CCDC192: variants seen among roughly 807,000 people sequenced by gnomAD.
CCDC192 encodes the protein coiled-coil domain containing 192.
At chr5:127,730,715 A>G (rs1204503303) in intron 2 of CCDC192, among the ~76,000 whole-genome samples, 4 of 152,204 alleles carry the variant, frequency 2.6e-5, no homozygotes. Context: ...GGTTCAACAT[A>G]TGCAAATCAA....
intron 6 of CCDC192, among the ~76,000 whole-genome samples, chr5:127,880,012 T>C (rs1036567245): frequency 1.2e-4 from 18 of 152,242 alleles, no homozygotes; most frequent in African/African-American, 4.1e-4. Context: ...AGTTCAACCA[T>C]TGTGGAAGTC....
At chr5:127,814,348 A>C (rs146992068) in intron 5 of CCDC192, among the ~76,000 whole-genome samples, 1 of 152,188 alleles carries the variant, frequency 6.6e-6, no homozygotes, top group African/African-American at 2.4e-5. Context: ...GTTTGAGCCC[A>C]TGGGCATGTT....
At chr5:127,731,910 GA>G (rs1247437466) in intron 2 of CCDC192, among the ~76,000 whole-genome samples, 2 of 152,216 alleles carry the variant, frequency 1.3e-5, no homozygotes, top group South Asian at 2.1e-4. Context: ...ATCCCAAACA[GA>G]AAATCTAGGC....
In CCDC192 at chr5:127,904,831, C is replaced by T. The variant is rs114289621; in HGVS notation, c.535+29170C>T. Among the ~76,000 whole-genome samples the T allele has an allele frequency of 5.4e-3, 817 of 152,196 alleles. 5 individuals carry two copies. The highest frequency in any genetic ancestry group is 0.019 in the African/African-American group (783 of 41,524). ...AGAGACATTTAATGCTCACTGAATACATCTGCATCACCTGCCTTTCCCAGT... is the reference window on the plus strand; with the variant it reads ...AGAGACATTTAATGCTCACTGAATATATCTGCATCACCTGCCTTTCCCAGT... On this transcript the variant is annotated intron_variant, in intron 6 of 6. Coordinates refer to ENST00000514853, the MANE Select transcript of CCDC192 (RefSeq NM_001317938.2).
intron 5 of CCDC192, among the ~76,000 whole-genome samples, chr5:127,860,549 A>T (rs1751312298): frequency 6.6e-6 from 1 of 152,218 alleles, no homozygotes; most frequent in Non-Finnish European, 1.5e-5. Flanking sequence ...TGTTTAATTT[A>T]TAGGTTTTCT....
intron 6 of CCDC192, among the ~76,000 whole-genome samples, chr5:127,934,062 C>T (rs1754124316): frequency 6.6e-6 from 1 of 152,224 alleles, no homozygotes; most frequent in South Asian, 2.1e-4. Flanking sequence ...CCTACATGGT[C>T]TCTCTTGCCT....
chr5:127,884,721 A>G (rs560823835), intron 6 of CCDC192, among the ~76,000 whole-genome samples: 2 of 152,314 alleles, frequency 1.3e-5, no homozygotes, highest in East Asian at 3.9e-4. Flanking sequence ...TGGATAGAAG[A>G]CAAAATACAC....
intron 2 of CCDC192, among the ~76,000 whole-genome samples, chr5:127,729,567 A>G (rs543069288): frequency 2.0e-5 from 3 of 152,332 alleles, no homozygotes; most frequent in South Asian, 4.1e-4. Flanking sequence ...CAGAATATAC[A>G]TTCTTCTTCG....
chr5:127,773,444 C>T (rs1389131939), intron 3 of CCDC192, among the ~76,000 whole-genome samples: 1 of 152,156 alleles, frequency 6.6e-6, no homozygotes, highest in Non-Finnish European at 1.5e-5. Flanking sequence ...ATATCCTCTT[C>T]CTCTCATCCC....
chr5:127,849,460 C>T (rs1750703972), intron 5 of CCDC192, among the ~76,000 whole-genome samples: 2 of 152,070 alleles, frequency 1.3e-5, no homozygotes, highest in African/African-American at 4.8e-5. Context: ...AGAATGTCTG[C>T]AAGATAGCCT....
intron 6 of CCDC192, among the ~76,000 whole-genome samples, chr5:127,926,087 T>C (rs553726815): frequency 1.8e-4 from 27 of 152,124 alleles, no homozygotes; most frequent in Non-Finnish European, 3.4e-4. Context: ...AACAGCAGGA[T>C]TGGTTACAGC....
At chr5:127,850,197 C>T (rs1383891017) in intron 5 of CCDC192, among the ~76,000 whole-genome samples, 1 of 152,028 alleles carries the variant, frequency 6.6e-6, no homozygotes, top group Non-Finnish European at 1.5e-5. Flanking sequence ...CCAGGAACAT[C>T]GCATATATTT....
intron 6 of CCDC192, among the ~76,000 whole-genome samples, chr5:127,918,630 T>A (rs1401612321): frequency 2.6e-5 from 4 of 152,254 alleles, no homozygotes. Context: ...TTGGTTAATG[T>A]TAATCCATTA....
chr5:127,788,583 C>T (rs1756694412), intron 3 of CCDC192, among the ~76,000 whole-genome samples: 1 of 152,012 alleles, frequency 6.6e-6, no homozygotes, highest in Admixed American at 6.6e-5. Flanking sequence ...ATTTTATGTC[C>T]TTTTTATTCC....
chr5:127,706,219 C>A (rs1750949600), intron 1 of CCDC192, among the ~76,000 whole-genome samples: 1 of 151,916 alleles, frequency 6.6e-6, no homozygotes, highest in South Asian at 2.1e-4. Flanking sequence ...AATAAAAGTA[C>A]CTTGGGATTT....
intron 2 of CCDC192, among the ~76,000 whole-genome samples, chr5:127,712,706 GC>G (rs1295238179): frequency 6.6e-6 from 1 of 152,114 alleles, no homozygotes; most frequent in East Asian, 1.9e-4. Flanking sequence ...TAAAAATAAG[GC>G]TTCTATGAAT....
At chr5:127,857,908 T>C (rs570417586) in intron 5 of CCDC192, 6 of 152,318 alleles carry the variant, frequency 3.9e-5, no homozygotes, top group Admixed American at 1.3e-4. Flanking sequence ...TACCCACAAA[T>C]ACCCTCACAG....
chr5:127,924,573 A>G lies in CCDC192; in HGVS notation c.536-16609A>G, dbSNP rs182998084. Among the ~76,000 whole-genome samples, 678 of 152,332 alleles carry G rather than the reference A, an allele frequency of 4.5e-3. 2 individuals carry two copies. The highest frequency in any genetic ancestry group is 0.017 in the South Asian group (82 of 4,822). On this transcript the variant is annotated intron_variant, in intron 6 of 6. Coordinates refer to ENST00000514853, the MANE Select transcript of CCDC192 (RefSeq NM_001317938.2). The stretch of plus-strand genomic sequence containing the variant: ...TAAACAATTGAGAAGTGATTAGCAT[A>G]TGACCCCCAAGGGTATGTTGTGACC...
intron 5 of CCDC192, among the ~76,000 whole-genome samples, chr5:127,863,871 C>G (rs1288116290): frequency 6.6e-6 from 1 of 152,138 alleles, no homozygotes; most frequent in Non-Finnish European, 1.5e-5. Context: ...AAAAACTGAG[C>G]AAAATTAAGG....
Sources: gnomAD v4.1 joint callset for allele counts (sites outside exome capture counted in the v4.1 genomes callset) on GRCh38, gnomAD v4.1.1 for gene constraint, MANE v1.5 for transcripts, NCBI Gene and HGNC (gene_info 2026-07-23, HGNC 2026-07-21) for gene names.